UGT2B7: variants seen among roughly 807,000 people sequenced by gnomAD.
The protein encoded by UGT2B7 is UDP-glucuronosyltransferase 2B7.
In UGT2B7, 51 loss-of-function variants were observed where a neutral mutation model predicts 51.9. The ratio of observed to expected loss-of-function variants is 0.98; its 90% CI spans 0.78 to 1.24. The LOEUF (loss-of-function observed/expected upper bound fraction) is 1.24. UGT2B7 is among the 50% of genes most tolerant of loss of function. The pLI is 0.00. For synonymous variants in UGT2B7, 225 were observed against 211.6 expected, an observed-to-expected ratio of 1.06 and a Z score of -0.55; for missense variants, 727 against 628.4, an observed-to-expected ratio of 1.16 and a Z score of -1.68.
intron 1 of UGT2B7, among the ~76,000 whole-genome samples, chr4:69,064,111 A>G (rs1442790611): frequency 1.3e-5 from 1 of 76,376 alleles, no homozygotes; most frequent in African/African-American, 7.0e-5. Flanking sequence ...AGAAAGAAAG[A>G]AAAAGAAAGA....
intron 1 of UGT2B7, among the ~76,000 whole-genome samples, chr4:69,072,874 TG>T (rs1354585999): frequency 6.6e-6 from 1 of 152,206 alleles, no homozygotes; most frequent in African/African-American, 2.4e-5. Flanking sequence ...TTTTTTCATT[TG>T]TTATCATTAT....
chr4:69,089,133 T>C (rs969366257), intron 1 of UGT2B7, among the ~76,000 whole-genome samples: 10 of 152,144 alleles, frequency 6.6e-5, no homozygotes, highest in African/African-American at 2.2e-4. Context: ...TATTTCATCA[T>C]TTTACTGACA....
intron 1 of UGT2B7, among the ~76,000 whole-genome samples, chr4:69,066,813 C>A (rs1172604322): frequency 6.6e-5 from 10 of 152,048 alleles, no homozygotes; most frequent in African/African-American, 2.4e-4. Flanking sequence ...CCTACCCTTC[C>A]TCCTAATGTA....
In UGT2B7 at chr4:69,112,977, A is replaced by G. The variant is rs956682018; in HGVS notation, c.*241A>G. On this transcript the variant is annotated 3_prime_UTR_variant, in exon 6 of 6. Transcript: ENST00000305231. ...AACACTACGGAAAATAAAAAATAAG[A>G]TAAAGCCTTATGAGCTCGTATTGAA... 6.4e-6 allele frequency: 3 copies of G among 468,874 alleles called. No homozygotes were observed. The highest frequency in any genetic ancestry group is 6.0e-5 in the South Asian group (2 of 33,436). 29.0% of individuals were successfully genotyped at this position (468,874 alleles called of 1,614,324 possible). A position where few individuals can be genotyped will look rare whatever the true frequency, so the allele number is the denominator to read the frequency against.
At chr4:69,082,831 G>GA (rs747785916) in intron 1 of UGT2B7, among the ~76,000 whole-genome samples, 2 of 152,064 alleles carry the variant, frequency 1.3e-5, no homozygotes, top group African/African-American at 2.4e-5. Context: ...GTCCTTTATT[G>GA]AAAAAATATG....
chr4:69,085,494 T>A (rs776625449), intron 1 of UGT2B7, among the ~76,000 whole-genome samples: 26 of 152,086 alleles, frequency 1.7e-4, no homozygotes, highest in Admixed American at 3.9e-4. Context: ...CAATTTTGAC[T>A]TTGTTGCAAT....
intron 1 of UGT2B7, among the ~76,000 whole-genome samples, chr4:69,060,628 G>C (rs1015751199): frequency 2.0e-5 from 3 of 152,216 alleles, no homozygotes; most frequent in African/African-American, 7.2e-5. Context: ...TCACCCGGTG[G>C]CATACCTATC....
chr4:69,079,505 T>G (rs1485114242), intron 1 of UGT2B7, among the ~76,000 whole-genome samples: 1 of 152,158 alleles, frequency 6.6e-6, no homozygotes, highest in Non-Finnish European at 1.5e-5. Flanking sequence ...ATATACATAG[T>G]CATATTCATT....
At chr4:69,109,617 A>G (rs1369555381) in intron 5 of UGT2B7, among the ~76,000 whole-genome samples, 1 of 152,154 alleles carries the variant, frequency 6.6e-6, no homozygotes, top group Admixed American at 6.6e-5. Context: ...CTATTTATAT[A>G]TTATGGGTCA....
rs143693621 is a variant in UGT2B7, at chr4:69,074,427, A to AATATATATATATATATAT, written c.-158-15043_-158-15026dup. On this transcript the variant is annotated intron_variant, in intron 1 of 5. Transcript: ENST00000502942. The stretch of plus-strand genomic sequence containing the variant: ...GACGATGGAATAACACCTTATCTTA[A>AATATATATATATATATAT]ATATATATATATATATATAAATTAA... Among the ~76,000 whole-genome samples, 541 of 115,998 alleles carry AATATATATATATATATAT rather than the reference A, an allele frequency of 4.7e-3. 8 individuals carry two copies. The highest frequency in any genetic ancestry group is 0.016 in the African/African-American group (478 of 30,118). The allele number at this position is 115,998 out of a possible 152,430, so 76.1% of individuals were successfully genotyped here. A position where few individuals can be genotyped will look rare whatever the true frequency, so the allele number is the denominator to read the frequency against.
At chr4:69,105,908 A>G (rs1308688748) in intron 3 of UGT2B7, among the ~76,000 whole-genome samples, 2 of 152,168 alleles carry the variant, frequency 1.3e-5, no homozygotes, top group Admixed American at 1.3e-4. Flanking sequence ...CTACTTCCCA[A>G]ATTACTCAAA....
rs777362846 is a variant in UGT2B7, at chr4:69,096,595, G to T, written c.75G>T (p.Lys25Asn). The T allele has an allele frequency of 2.5e-6, 4 of 1,613,996 alleles. No individual in the cohort carries two copies. Among genetic ancestry groups the T allele is most frequent in the Non-Finnish European group, 3.4e-6 (4 of 1,179,900 alleles). ...GCTTTAGCTCTGGGAATTGTGGAAA[G>T]GTGCTGGTGTGGGCAGCAGAATACA... The part of the protein sequence containing the change: ...SFCFSSGNCG[K>N]VLVWAAEYSH... The change falls in exon 1 of 6, where the codon AAG becomes AAT. Residue 25 changes from lysine to asparagine, a missense_variant. Coordinates refer to ENST00000305231, the MANE Select transcript of UGT2B7 (RefSeq NM_001074.4).
upstream of UGT2B7, among the ~76,000 whole-genome samples, chr4:69,092,962 G>T: frequency 7.6e-6 from 1 of 131,528 alleles, no homozygotes; most frequent in South Asian, 2.4e-4. Flanking sequence ...CCCCACCCCA[G>T]AAAAAAAAAA....
chr4:69,064,957 A>G (rs1208202223), intron 1 of UGT2B7, among the ~76,000 whole-genome samples: 1 of 152,210 alleles, frequency 6.6e-6, no homozygotes, highest in Non-Finnish European at 1.5e-5. Context: ...TAGTGGTGGC[A>G]GGTAACAGAT....
intron 1 of UGT2B7, among the ~76,000 whole-genome samples, chr4:69,081,750 T>C (rs373310715): frequency 1.3e-5 from 2 of 152,138 alleles, no homozygotes; most frequent in East Asian, 3.9e-4. Context: ...GCTCCATAGA[T>C]GGATAATGGT....
At chr4:69,100,495 A>T (rs1326392824) in intron 2 of UGT2B7, among the ~76,000 whole-genome samples, 1 of 152,052 alleles carries the variant, frequency 6.6e-6, no homozygotes, top group African/African-American at 2.4e-5. Context: ...TTAAAACTCA[A>T]TATCTATGTT....
In UGT2B7 at chr4:69,102,895, G is replaced by A. The variant is rs1577924467; in HGVS notation, c.959G>A (p.Arg320Lys). The A allele has an allele frequency of 6.2e-7, 1 of 1,613,594 alleles. No individual in the cohort carries two copies. Among genetic ancestry groups the A allele is most frequent in the Non-Finnish European group, 8.5e-7 (1 of 1,179,710 alleles). ...ATGGTCAGTAACATGACAGAAGAAAGGGCCAACGTAATTGCATCAGCCCTG... is the reference window on the plus strand; with the variant it reads ...ATGGTCAGTAACATGACAGAAGAAAAGGCCAACGTAATTGCATCAGCCCTG... ...GSMVSNMTEE[R>K]ANVIASALAQ... Residue 320 changes from arginine (R) to lysine (K), a missense_variant, in exon 3 of 6, where the codon AGG becomes AAG. Transcript: ENST00000305231.
chr4:69,075,485 A>C (rs1223641769), intron 1 of UGT2B7, among the ~76,000 whole-genome samples: 1 of 152,084 alleles, frequency 6.6e-6, no homozygotes, highest in Non-Finnish European at 1.5e-5. Context: ...ATAAAGGACA[A>C]TTTCAAGGAG....
intron 3 of UGT2B7, among the ~76,000 whole-genome samples, chr4:69,103,772 T>A (rs191172369): frequency 6.6e-6 from 1 of 152,314 alleles, no homozygotes; most frequent in African/African-American, 2.4e-5. Flanking sequence ...TGTTTACGAT[T>A]ATGGGATGTA....
Sources: gnomAD v4.1 joint callset for allele counts (sites outside exome capture counted in the v4.1 genomes callset) on GRCh38, gnomAD v4.1.1 for gene constraint, MANE v1.5 for transcripts, NCBI Gene and HGNC (gene_info 2026-07-23, HGNC 2026-07-21) for gene names.